Variants in NCKAP5 observed in about 807,000 individuals in gnomAD.
NCKAP5 encodes nck-associated protein 5.
NCKAP5 carries 92 observed loss-of-function variants against 167.0 expected under a neutral mutation model. The ratio of observed to expected loss-of-function variants is 0.55; its 90% CI spans 0.47 to 0.66. The LOEUF (loss-of-function observed/expected upper bound fraction) is 0.66, where lower values mean the gene tolerates loss of function less well. NCKAP5 is among the 30% of genes least tolerant of loss of function. The pLI is 0.00. For missense variants in NCKAP5, 2,378 were observed against 2,315.0 expected (o/e 1.03, Z -0.56); for synonymous variants, 891 against 877.4 (o/e 1.02, Z -0.27).
intron 3 of NCKAP5, among the ~76,000 whole-genome samples, chr2:133,487,102 A>C (rs1224621342): frequency 1.3e-5 from 2 of 152,182 alleles, no homozygotes; most frequent in Admixed American, 6.5e-5. Flanking sequence ...ACAGCTGTTC[A>C]TAGCCCACAT....
chr2:133,292,251 A>G (rs895480962), intron 4 of NCKAP5, among the ~76,000 whole-genome samples: 2 of 152,154 alleles, frequency 1.3e-5, no homozygotes. Context: ...CAGTAAAATT[A>G]AAATTAAATA....
intron 6 of NCKAP5, among the ~76,000 whole-genome samples, chr2:133,120,020 T>G (rs1483486021): frequency 2.0e-5 from 3 of 152,138 alleles, no homozygotes; most frequent in Non-Finnish European, 4.4e-5. Flanking sequence ...TTAATTAAAA[T>G]GCTTATTATA....
chr2:132,867,873 C>T (rs6723048), intron 10 of NCKAP5, among the ~76,000 whole-genome samples: 2 of 152,090 alleles, frequency 1.3e-5, no homozygotes, highest in Non-Finnish European at 2.9e-5. Flanking sequence ...TCTAACTCTA[C>T]GTAAGTGTAC....
At chr2:133,061,636 C>G (rs1426851610) in intron 6 of NCKAP5, among the ~76,000 whole-genome samples, 1 of 152,206 alleles carries the variant, frequency 6.6e-6, no homozygotes, top group African/African-American at 2.4e-5. Context: ...TTAACTGAGG[C>G]AAGAACCAGA....
At chr2:132,684,971 C>A (rs1005398035) in intron 19 of NCKAP5, among the ~76,000 whole-genome samples, 7 of 152,124 alleles carry the variant, frequency 4.6e-5, no homozygotes, top group South Asian at 4.2e-4. Flanking sequence ...GGGTAACAGG[C>A]GGACTGCCTT....
At chr2:133,159,434 G>C (rs1211028436) in intron 5 of NCKAP5, among the ~76,000 whole-genome samples, 2 of 148,572 alleles carry the variant, frequency 1.3e-5, no homozygotes, top group African/African-American at 5.1e-5. Context: ...CCAGACTGTT[G>C]ACCTACAGAA....
chr2:133,403,887 ATGTGTG>A (rs138024785), intron 3 of NCKAP5, among the ~76,000 whole-genome samples: 2 of 148,118 alleles, frequency 1.4e-5, no homozygotes, highest in Non-Finnish European at 3.0e-5. Flanking sequence ...AGTCAGGTGG[ATGTGTG>A]TGTGTGTGTG....
In NCKAP5 at chr2:133,311,351, G is replaced by A. The variant is rs181351855; in HGVS notation, c.70-8241C>T. Among the ~76,000 whole-genome samples, 86 of 152,330 alleles carry A rather than the reference G, an allele frequency of 5.6e-4. No individual in the cohort carries two copies. In the East Asian group the frequency reaches 0.015, roughly 26 times the overall value. ...GCTAGATGGAAGAGCTGCATAGGAC[G>A]AGGTATGGGAGAAGGGGTTCAGAAC... On this transcript the variant is annotated intron_variant, in intron 3 of 19. Coordinates refer to ENST00000409261, the MANE Select transcript of NCKAP5 (RefSeq NM_207363.3).
intron 3 of NCKAP5, among the ~76,000 whole-genome samples, chr2:133,432,897 G>A (rs1463113394): frequency 6.6e-6 from 1 of 152,084 alleles, no homozygotes; most frequent in Non-Finnish European, 1.5e-5. Context: ...TGCTTCTTTT[G>A]TAGTATTTTA....
chr2:133,196,939 G>A (rs974733837), intron 5 of NCKAP5, among the ~76,000 whole-genome samples: 1 of 152,270 alleles, frequency 6.6e-6, no homozygotes, highest in South Asian at 2.1e-4. Context: ...GAAGGAGGGG[G>A]ACCTTGTTCC....
At chr2:133,144,732 G>A (rs1261149164) in intron 5 of NCKAP5, among the ~76,000 whole-genome samples, 1 of 152,088 alleles carries the variant, frequency 6.6e-6, no homozygotes, top group Non-Finnish European at 1.5e-5. Context: ...CCTGCGTTGT[G>A]TTATACATAG....
chr2:132,979,996 C>T lies in NCKAP5; in HGVS notation c.429+14156G>A, dbSNP rs868821670. Among the ~76,000 whole-genome samples the T allele has an allele frequency of 2.2e-3, 295 of 134,652 alleles. 1 individual carries two copies. Among genetic ancestry groups the T allele is most frequent in the African/African-American group, 8.0e-3 (281 of 35,240 alleles). 88.3% of individuals were successfully genotyped at this position (134,652 alleles called of 152,430 possible). ...TTTTTTTCTTTTTCTTTTTCTTTTT[C>T]TTTTTTTTTTTTTTTGAGACAGGGT... On this transcript the variant is annotated intron_variant, in intron 7 of 19. Transcript: ENST00000409261.
chr2:133,536,092 G>A (rs556434336), intron 2 of NCKAP5, among the ~76,000 whole-genome samples: 1 of 152,070 alleles, frequency 6.6e-6, no homozygotes, highest in Admixed American at 6.6e-5. Context: ...TAGGTTGTCT[G>A]TTTATTCTAT....
intron 11 of NCKAP5, among the ~76,000 whole-genome samples, chr2:132,830,822 T>C (rs1165901599): frequency 6.6e-6 from 1 of 152,228 alleles, no homozygotes. Context: ...ATACAATATG[T>C]GAAACTATTC....
chr2:133,598,103 T>C, the NCKAP5 span, among the ~76,000 whole-genome samples: 13 of 152,204 alleles, frequency 8.5e-5, no homozygotes, highest in Non-Finnish European at 1.8e-4. Context: ...TATCCTCAAG[T>C]GAGTTATTGA....
At chr2:133,374,037 G>T (rs1037923556) in intron 3 of NCKAP5, among the ~76,000 whole-genome samples, 8 of 152,156 alleles carry the variant, frequency 5.3e-5, no homozygotes, top group Non-Finnish European at 7.4e-5. Context: ...GAAAACTTAT[G>T]TCCATACCAA....
At chr2:133,325,611 T>C (rs1682380731) in intron 3 of NCKAP5, among the ~76,000 whole-genome samples, 1 of 152,196 alleles carries the variant, frequency 6.6e-6, no homozygotes, top group South Asian at 2.1e-4. Flanking sequence ...TTTGTTATTT[T>C]GGAGTACATC....
Position 132,997,484 on chromosome 2 carries a change from A to G in NCKAP5, c.342-3245T>C, listed in dbSNP as rs112168361. Among the ~76,000 whole-genome samples the G allele has an allele frequency of 9.3e-3, 1,421 of 152,342 alleles. 18 individuals carry two copies. Among genetic ancestry groups the G allele is most frequent in the African/African-American group, 0.032 (1,347 of 41,586 alleles). On this transcript the variant is annotated intron_variant, in intron 6 of 19. Transcript: ENST00000409261. ...TGACAAAGAACTGTCTCATCTGTTC[A>G]TCATTATAATTTACTTTTAAAAAAT...
At chr2:132,685,965 A>G (rs1461793334) in intron 19 of NCKAP5, among the ~76,000 whole-genome samples, 2 of 152,136 alleles carry the variant, frequency 1.3e-5, no homozygotes, top group African/African-American at 4.8e-5. Flanking sequence ...TCAAAGACAT[A>G]GGGTCCTCTA....
Sources: gnomAD v4.1 joint callset for allele counts (sites outside exome capture counted in the v4.1 genomes callset) on GRCh38, gnomAD v4.1.1 for gene constraint, MANE v1.5 for transcripts, NCBI Gene and HGNC (gene_info 2026-07-23, HGNC 2026-07-21) for gene names.